The following MRTFA variants were observed in gnomAD, a reference collection of about 807,000 sequenced individuals.
MRTFA encodes myocardin related transcription factor A.
Under a neutral mutation model 83.5 loss-of-function variants are expected in MRTFA, and 20 were observed. That is an observed-to-expected ratio of 0.24 (90% CI 0.17 to 0.35). The LOEUF is 0.35. Among genes scored for constraint, MRTFA ranks in the 10% least tolerant of loss-of-function variants. MRTFA has a pLI of 1.00. For synonymous variants in MRTFA, 659 were observed against 541.2 expected (o/e 1.22, Z -3.02); for missense variants, 1,200 against 1,224.7 (o/e 0.98, Z 0.30).
chr22:40,525,567 A>C, intron 3 of MRTFA, among the ~76,000 whole-genome samples: 1 of 152,246 alleles, frequency 6.6e-6, no homozygotes, highest in Non-Finnish European at 1.5e-5. Flanking sequence ...AACAACAGTA[A>C]GAAAGGGAAA....
chr22:40,498,550 G>A (rs2054402405), intron 3 of MRTFA, among the ~76,000 whole-genome samples: 2 of 151,738 alleles, frequency 1.3e-5, no homozygotes, highest in African/African-American at 4.8e-5. Flanking sequence ...CTCCCAAAGC[G>A]GTAAGATTAT....
intron 2 of MRTFA, among the ~76,000 whole-genome samples, chr22:40,566,000 C>T (rs2055697896): frequency 6.6e-6 from 1 of 152,122 alleles, no homozygotes; most frequent in Non-Finnish European, 1.5e-5. Flanking sequence ...AAGCTTCAGA[C>T]CTCATGCCTC....
intron 3 of MRTFA, among the ~76,000 whole-genome samples, chr22:40,475,708 CT>C (rs2053983442): frequency 6.6e-6 from 1 of 152,144 alleles, no homozygotes. Context: ...AAAAGAATTG[CT>C]TGTTTCTTTA....
chr22:40,527,188 A>T (rs2054991389), intron 3 of MRTFA, among the ~76,000 whole-genome samples: 1 of 151,836 alleles, frequency 6.6e-6, no homozygotes, highest in South Asian at 2.1e-4. Context: ...AGACTATAAA[A>T]ATTTCACTAC....
chr22:40,450,599 G>T (rs1028914906), intron 4 of MRTFA, among the ~76,000 whole-genome samples: 15 of 149,542 alleles, frequency 1.0e-4, no homozygotes, highest in Non-Finnish European at 2.1e-4. Flanking sequence ...GGGATTACAG[G>T]CGCCTGCCAC....
intron 2 of MRTFA, among the ~76,000 whole-genome samples, chr22:40,570,146 T>C (rs1425006004): frequency 1.3e-5 from 2 of 152,108 alleles, no homozygotes; most frequent in Non-Finnish European, 1.5e-5. Context: ...AAAGAATACA[T>C]AAGTTTTAGC....
At chr22:40,606,435 T>C (rs1424647765) in intron 1 of MRTFA, among the ~76,000 whole-genome samples, 1 of 152,240 alleles carries the variant, frequency 6.6e-6, no homozygotes, top group Non-Finnish European at 1.5e-5. Context: ...CACTTTATCT[T>C]GACCACACCC....
intron 1 of MRTFA, among the ~76,000 whole-genome samples, chr22:40,600,804 C>A (rs1197683976): frequency 6.6e-6 from 1 of 152,108 alleles, no homozygotes; most frequent in African/African-American, 2.4e-5. Flanking sequence ...GTAGTGAAAC[C>A]CCGTCTCTTC....
At chr22:40,531,097 G>A (rs2147275850) in intron 3 of MRTFA, among the ~76,000 whole-genome samples, 1 of 152,070 alleles carries the variant, frequency 6.6e-6, no homozygotes, top group Middle Eastern at 3.4e-3. Context: ...GCAGTGAGGA[G>A]GATGAAAGTT....
At chr22:40,547,226 T>C (rs2055378484) in intron 3 of MRTFA, among the ~76,000 whole-genome samples, 1 of 151,924 alleles carries the variant, frequency 6.6e-6, no homozygotes, top group South Asian at 2.1e-4. Context: ...AGGAGTTGGG[T>C]ATATGCCAGT....
At chr22:40,584,415 G>A (rs1415821092) in intron 2 of MRTFA, among the ~76,000 whole-genome samples, 1 of 152,200 alleles carries the variant, frequency 6.6e-6, no homozygotes, top group African/African-American at 2.4e-5. Flanking sequence ...TGAGCTGTCT[G>A]GCTCAGCACG....
chr22:40,536,928 T>C (rs2055188856), intron 3 of MRTFA, among the ~76,000 whole-genome samples: 1 of 79,918 alleles, frequency 1.3e-5, no homozygotes, highest in East Asian at 5.2e-4. Context: ...GTCTGAGAAG[T>C]GAGGAGCCTC....
At chr22:40,617,038 G>A (rs1355713375) in intron 1 of MRTFA, among the ~76,000 whole-genome samples, 1 of 151,590 alleles carries the variant, frequency 6.6e-6, no homozygotes, top group Non-Finnish European at 1.5e-5. Context: ...CAGGGGCATA[G>A]GTTGCAGTGA....
chr22:40,533,023 A>G (rs2055108672), intron 3 of MRTFA, among the ~76,000 whole-genome samples: 2 of 152,240 alleles, frequency 1.3e-5, no homozygotes, highest in Non-Finnish European at 2.9e-5. Flanking sequence ...AACTGTTTTT[A>G]GAGATAAAAT....
chr22:40,559,656 A>C (rs938476228), intron 2 of MRTFA, among the ~76,000 whole-genome samples: 2 of 151,982 alleles, frequency 1.3e-5, no homozygotes, highest in African/African-American at 4.8e-5. Context: ...ATCGCCCTAC[A>C]CTGGCCTCTC....
At chr22:40,558,106 G>T (rs1445152733) in intron 2 of MRTFA, among the ~76,000 whole-genome samples, 2 of 150,452 alleles carry the variant, frequency 1.3e-5, no homozygotes, top group African/African-American at 4.9e-5. Context: ...TTTTTTAAGG[G>T]ACAGGGTCTC....
chr22:40,614,117 AC>A (rs2056420114), intron 1 of MRTFA, among the ~76,000 whole-genome samples: 1 of 151,708 alleles, frequency 6.6e-6, no homozygotes, highest in South Asian at 2.1e-4. Flanking sequence ...CAGGAGAATC[AC>A]TAGAATCTAG....
chr22:40,531,504 T>A (rs946820059), intron 3 of MRTFA, among the ~76,000 whole-genome samples: 18 of 152,154 alleles, frequency 1.2e-4, no homozygotes, highest in Non-Finnish European at 2.5e-4. Context: ...GCTATCATAT[T>A]CAATATCCTG....
At chr22:40,463,926 A>G (rs1026491618) in intron 3 of MRTFA, among the ~76,000 whole-genome samples, 1 of 152,086 alleles carries the variant, frequency 6.6e-6, no homozygotes, top group African/African-American at 2.4e-5. Context: ...GCTAGGGGAG[A>G]CTGATGGGTG....
Sources: allele counts gnomAD v4.1 joint callset (sites outside exome capture counted in the v4.1 genomes callset), GRCh38; gene constraint gnomAD v4.1.1; transcripts MANE v1.5; gene names NCBI Gene and HGNC (gene_info 2026-07-23, HGNC 2026-07-21).